Variants in ZNF85 observed in about 807,000 individuals in gnomAD.
ZNF85 encodes zinc finger protein 85.
ZNF85 carries 50 observed loss-of-function variants against 53.9 expected under a neutral mutation model. The observed-to-expected ratio is 0.93, with a 90% CI of 0.74 to 1.17. The LOEUF (loss-of-function observed/expected upper bound fraction) is 1.17. Among genes scored for constraint, ZNF85 ranks in the 50% most tolerant of loss-of-function variants. ZNF85 has a pLI of 0.00. For missense variants in ZNF85, 747 were observed against 688.5 expected, an observed-to-expected ratio of 1.08 and a Z score of -0.95; for synonymous variants, 225 against 226.1, an observed-to-expected ratio of 1.00 and a Z score of 0.04.
chr19:20,923,350 G>C lies in ZNF85; in HGVS notation c.-51G>C. On this transcript the variant is annotated 5_prime_UTR_variant, in exon 1 of 4. Transcript: ENST00000328178. ...AGCCTCTGTGGCCCTGTGGCCTGCA[G>C]GTATTGGGAGATCCACAGCTAAGAC... 1 of 1,613,904 alleles carries C rather than the reference G, an allele frequency of 6.2e-7. No individual in the cohort carries two copies. Among genetic ancestry groups the C allele is most frequent in the Non-Finnish European group, 8.5e-7 (1 of 1,179,868 alleles).
chr19:20,939,927 C>G (rs1032173684), intron 3 of ZNF85, among the ~76,000 whole-genome samples: 2 of 150,428 alleles, frequency 1.3e-5, no homozygotes, highest in Admixed American at 1.3e-4. Flanking sequence ...GAACTCCCGA[C>G]CTCAGGTGAT....
At chr19:20,947,973 C>G (rs1391184117) in intron 3 of ZNF85, among the ~76,000 whole-genome samples, 1 of 151,608 alleles carries the variant, frequency 6.6e-6, no homozygotes, top group African/African-American at 2.4e-5. Context: ...GCTATGTTGC[C>G]CCAATATTTT....
At chr19:20,933,372 G>GTT (rs112577042) in intron 1 of ZNF85, among the ~76,000 whole-genome samples, 2,983 of 143,608 alleles carry the variant, frequency 0.021, 40 homozygotes, top group Non-Finnish European at 0.033. Context: ...TTTTTTCTTA[G>GTT]TTTTTTTTTT....
chr19:20,929,713 T>A (rs1972963204), intron 1 of ZNF85, among the ~76,000 whole-genome samples: 1 of 151,908 alleles, frequency 6.6e-6, no homozygotes, highest in Admixed American at 6.6e-5. Flanking sequence ...GAGAACAGAG[T>A]TCTACATAGG....
intron 3 of ZNF85, chr19:20,943,594 CTA>C (rs1973352305): frequency 6.6e-6 from 1 of 152,146 alleles, no homozygotes; most frequent in Admixed American, 6.5e-5. Context: ...AGGTATTCCT[CTA>C]TGTGCAAAAT....
intron 1 of ZNF85, 35 bp downstream of exon 1, chr19:20,923,438 A>AG: frequency 6.2e-7 from 1 of 1,613,768 alleles, no homozygotes; most frequent in Non-Finnish European, 8.5e-7. Context: ...CGAGGGGGAA[A>AG]GGGGTTGGTT....
At chr19:20,943,569 A>C (rs1257495475) in intron 3 of ZNF85, 1 of 152,196 alleles carries the variant, frequency 6.6e-6, no homozygotes, top group African/African-American at 2.4e-5. Flanking sequence ...TTTTATTTAT[A>C]AATTATCCAC....
chr19:20,929,120 T>A (rs1394603140), intron 1 of ZNF85, among the ~76,000 whole-genome samples: 1 of 151,706 alleles, frequency 6.6e-6, no homozygotes, highest in Admixed American at 6.6e-5. Flanking sequence ...TTTTTTGAGA[T>A]AGAGTCTTGC....
chr19:20,937,456 G>A, intron 3 of ZNF85: 1 of 414,536 alleles, frequency 2.4e-6, no homozygotes, highest in Non-Finnish European at 4.8e-6. Context: ...TGCTGGGTCT[G>A]CACTAGGGTC....
At chr19:20,932,109 A>G (rs1325347929) in intron 1 of ZNF85, among the ~76,000 whole-genome samples, 1 of 152,194 alleles carries the variant, frequency 6.6e-6, no homozygotes. Flanking sequence ...GTGGTAGCAG[A>G]TGAGCAGTTG....
chr19:20,926,195 G>C (rs1972876725), intron 1 of ZNF85, among the ~76,000 whole-genome samples: 1 of 152,076 alleles, frequency 6.6e-6, no homozygotes, highest in Non-Finnish European at 1.5e-5. Flanking sequence ...ATAGATTCAT[G>C]AAAACACAAA....
intron 3 of ZNF85, among the ~76,000 whole-genome samples, chr19:20,946,992 T>C (rs1205290580): frequency 6.6e-6 from 1 of 151,650 alleles, no homozygotes; most frequent in African/African-American, 2.4e-5. Context: ...TTTAGTTGAT[T>C]CTTGTTTCTT....
chr19:20,931,318 T>A (rs1173160859), intron 1 of ZNF85, among the ~76,000 whole-genome samples: 3 of 152,204 alleles, frequency 2.0e-5, no homozygotes, highest in Admixed American at 6.5e-5. Context: ...GAGGCAATGC[T>A]TAGCTAAGTG....
Position 20,935,134 on chromosome 19 carries a change from G to A in ZNF85, c.229+87G>A, listed in dbSNP as rs1973127629. 2.2e-5 allele frequency: 19 copies of A among 856,764 alleles called. No homozygotes were observed. The East Asian group carries it at 5.4e-4, about 24-fold the overall frequency. 53.1% of individuals were successfully genotyped at this position (856,764 alleles called of 1,614,324 possible). ...AAGCCAGTCCTTAAAATGTGATTTA[G>A]GAAGCTGTGTTCCAAAGAAAATAGT... On this transcript the variant is annotated intron_variant, in intron 3 of 3. Transcript: ENST00000328178.
At chr19:20,937,144 G>C (rs1010873674) in intron 3 of ZNF85, 1 of 304,272 alleles carries the variant, frequency 3.3e-6, no homozygotes, top group Non-Finnish European at 6.6e-6. Flanking sequence ...GTATTCCCCT[G>C]CCTCAGCCTC....
At chr19:20,928,400 C>T (rs181412892) in intron 1 of ZNF85, 3 of 152,442 alleles carry the variant, frequency 2.0e-5, no homozygotes, top group African/African-American at 4.8e-5. Flanking sequence ...CTCTGCTCTC[C>T]TGTACACAGG....
At chr19:20,935,082 AC>A in intron 3 of ZNF85, 35 bp downstream of exon 3, 1 of 1,452,838 alleles carries the variant, frequency 6.9e-7, no homozygotes, top group East Asian at 2.3e-5. Context: ...AGCAGATGAC[AC>A]ATGAGAGGTC....
intron 3 of ZNF85, among the ~76,000 whole-genome samples, chr19:20,939,531 G>T (rs1344578514): frequency 1.3e-5 from 2 of 149,814 alleles, no homozygotes; most frequent in African/African-American, 4.9e-5. Flanking sequence ...GAGATTACAG[G>T]CCTGAGCCAC....
At chr19:20,934,654 G>A (rs1014215393) in intron 2 of ZNF85, among the ~76,000 whole-genome samples, 1 of 151,874 alleles carries the variant, frequency 6.6e-6, no homozygotes, top group Non-Finnish European at 1.5e-5. Flanking sequence ...CTGTAGTCCT[G>A]TAGTCCCAGC....
Sources: allele counts gnomAD v4.1 joint callset (sites outside exome capture counted in the v4.1 genomes callset), GRCh38; gene constraint gnomAD v4.1.1; transcripts MANE v1.5; gene names NCBI Gene and HGNC (gene_info 2026-07-23, HGNC 2026-07-21).